The following FADS3 variants were observed in gnomAD, a reference collection of about 807,000 sequenced individuals.
The protein encoded by FADS3 is cytochrome b5-related protein.
In FADS3, 30 loss-of-function variants were observed where a neutral mutation model predicts 60.4. That is an observed-to-expected ratio of 0.50 (90% CI 0.37 to 0.67). The LOEUF is 0.67. Ranked by LOEUF, FADS3 falls within the 30% of genes least tolerant of loss-of-function variation. The pLI is 0.00. For synonymous variants in FADS3, 234 were observed against 249.3 expected (o/e 0.94, Z 0.58); for missense variants, 432 against 598.3 (o/e 0.72, Z 2.90).
In FADS3 at chr11:61,873,870, G is replaced by A. The variant is rs1009456535; in HGVS notation, c.1287-5C>T. 1.2e-6 allele frequency: 2 copies of A among 1,604,988 alleles called. No individual in the cohort carries two copies. The highest frequency in any genetic ancestry group is 1.1e-5 in the South Asian group (1 of 90,048). ...TCACCAGACTTCTTCAGGGACCTGG[G>A]AGGTGGGGGTGGCAGTGGGGGTGGG... On this transcript the variant is annotated splice_polypyrimidine_tract_variant and splice_region_variant and intron_variant, in intron 11 of 11. Transcript: ENST00000278829.
chr11:61,889,091 T>C (rs903104444), intron 1 of FADS3, among the ~76,000 whole-genome samples: 1 of 151,718 alleles, frequency 6.6e-6, no homozygotes, highest in Non-Finnish European at 1.5e-5. Context: ...GAGACAGGGT[T>C]TCTCCATGTT....
Position 61,877,713 on chromosome 11 carries a change from G to C in FADS3, c.809-126C>G. On this transcript the variant is annotated intron_variant, in intron 6 of 11. Transcript: ENST00000278829. This position sits in a 1 kb window ranked among gnomAD's most constrained non-coding sequence, Gnocchi z 4.7. ...ACGTTGGTGCTGGTCACATCCAGCTGAATGACCCCATATCACCCCCAATTC... is the reference window on the plus strand; with the variant it reads ...ACGTTGGTGCTGGTCACATCCAGCTCAATGACCCCATATCACCCCCAATTC... The C allele has an allele frequency of 3.6e-6, 3 of 838,892 alleles. No individual in the cohort carries two copies. Among genetic ancestry groups the C allele is most frequent in the Non-Finnish European group, 5.7e-6 (3 of 522,784 alleles). 52.0% of individuals were successfully genotyped at this position (838,892 alleles called of 1,614,324 possible).
chr11:61,891,851 A>G (rs1341065591), upstream of FADS3: 1 of 151,908 alleles, frequency 6.6e-6, no homozygotes, highest in Admixed American at 6.6e-5. Context: ...TGGGGACACA[A>G]CACGCACCTG....
intron 1 of FADS3, among the ~76,000 whole-genome samples, chr11:61,885,316 C>G (rs1271393386): frequency 1.3e-5 from 2 of 152,196 alleles, no homozygotes; most frequent in African/African-American, 2.4e-5. Flanking sequence ...CAGACAAGAC[C>G]ACACCCATCT....
At chr11:61,875,749 G>T in intron 11 of FADS3, 102 bp downstream of exon 11, 1 of 1,429,294 alleles carries the variant, frequency 7.0e-7, no homozygotes, top group South Asian at 1.3e-5. Flanking sequence ...TGGACAGAAA[G>T]GCTCAGGGAC....
chr11:61,878,487 G>A, intron 5 of FADS3, 25 bp downstream of exon 5: 1 of 1,610,092 alleles, frequency 6.2e-7, no homozygotes. Flanking sequence ...CCAGCCAGAG[G>A]TTGTCCACGT....
Position 61,876,342 on chromosome 11 carries a change from C to T in FADS3, c.1080+17G>A. ...CCCCCCACCCCACCCAGGATGGGCCCCACCCCTGCTGCCCACCTGAGAGCT... is the reference window on the plus strand; with the variant it reads ...CCCCCCACCCCACCCAGGATGGGCCTCACCCCTGCTGCCCACCTGAGAGCT... On this transcript the variant is annotated intron_variant, in intron 9 of 11. Coordinates refer to ENST00000278829, the MANE Select transcript of FADS3 (RefSeq NM_021727.5). This position sits in a 1 kb window ranked among gnomAD's most constrained non-coding sequence, Gnocchi z 5.7. The T allele has an allele frequency of 2.5e-6, 4 of 1,609,464 alleles. No homozygotes were observed. The highest frequency in any genetic ancestry group is 3.4e-6 in the Non-Finnish European group (4 of 1,177,512).
chr11:61,891,184 G>C lies in FADS3; in HGVS notation c.198C>G (p.Gly66=). The part of the protein sequence containing the change: ...PGGSRLIGHH[G]AEDATDAFRA... Reference sequence around the variant, plus strand: ...GCTTCCTTACCGTGGCGTCCTCAGCGCCGTGGTGGCCGATGAGGCGGCTGC... The same window carrying C: ...GCTTCCTTACCGTGGCGTCCTCAGCCCCGTGGTGGCCGATGAGGCGGCTGC... The change falls in exon 1 of 12, where the codon GGC becomes GGG. Residue 66 remains glycine, a synonymous_variant. Transcript: ENST00000278829. The C allele has an allele frequency of 6.4e-7, 1 of 1,561,938 alleles. No individual in the cohort carries two copies.
At chr11:61,884,300 G>A (rs1355597645) in intron 1 of FADS3, among the ~76,000 whole-genome samples, 1 of 152,130 alleles carries the variant, frequency 6.6e-6, no homozygotes, top group Non-Finnish European at 1.5e-5. Flanking sequence ...ACACACCGGG[G>A]CTTACTGGGC....
intron 3 of FADS3, 64 bp from the exon 4 acceptor site, chr11:61,878,911 C>A: frequency 7.1e-7 from 1 of 1,399,642 alleles, no homozygotes; most frequent in East Asian, 2.4e-5. Context: ...CCTGGGGCCC[C>A]AGTGAATCCT....
rs1256080210 is a variant in FADS3 at position 61,879,377 on chromosome 11, T to C, written c.457A>G (p.Ile153Val). 6.4e-7 allele frequency: 1 copy of C among 1,572,540 alleles called. No individual in the cohort carries two copies. The stretch of plus-strand genomic sequence containing the variant: ...ACCCAGCCAGGACCCAGGAGGTAGA[T>C]AAGGAGCCAGGCCAGCACCTCCATG... ...LAMEVLAWLL[I>V]YLLGPGWVPS... The change falls in exon 3 of 12, where the codon ATC (isoleucine) becomes GTC (valine). Residue 153 changes from isoleucine (I) to valine (V), a missense_variant. Around this residue, in one of 5 missense-constraint regions of FADS3, gnomAD observed 116 missense variants for 208.9 expected, o/e 0.56. Transcript: ENST00000278829.
intron 1 of FADS3, chr11:61,882,005 G>A (rs1013550508): frequency 1.3e-5 from 2 of 151,764 alleles, no homozygotes; most frequent in South Asian, 2.1e-4. Flanking sequence ...CCAGGAAGCT[G>A]TCTGGGCCCC....
chr11:61,876,452 G>C lies in FADS3; in HGVS notation c.987C>G (p.Val329=), dbSNP rs941062879. ...GVLLFFVAVR[V]LESHWFVWIT... is the part of the protein sequence containing the mutation. ...TCCACACGAACCAGTGGCTTTCCAGGACCCTGTGGGGAGGCTCGGGCACTG... is the reference window on the plus strand; with the variant it reads ...TCCACACGAACCAGTGGCTTTCCAGCACCCTGTGGGGAGGCTCGGGCACTG... The change falls in exon 9 of 12, where the codon GTC becomes GTG. Residue 329 remains valine (V), a synonymous_variant. Transcript: ENST00000278829. This position sits in a 1 kb window ranked among gnomAD's most constrained non-coding sequence, Gnocchi z 5.7. The C allele has an allele frequency of 3.7e-6, 6 of 1,613,256 alleles. No individual in the cohort carries two copies. Among genetic ancestry groups the C allele is most frequent in the Non-Finnish European group, 5.1e-6 (6 of 1,179,984 alleles).
In FADS3 at chr11:61,877,984, A is replaced by T; in HGVS notation, c.808+171T>A. 1 of 666,778 alleles carries T rather than the reference A, an allele frequency of 1.5e-6. No individual in the cohort carries two copies. Among genetic ancestry groups the T allele is most frequent in the Non-Finnish European group, 2.7e-6 (1 of 375,646 alleles). 41.3% of individuals were successfully genotyped at this position (666,778 alleles called of 1,614,324 possible). A position where few individuals can be genotyped will look rare whatever the true frequency, so the allele number is the denominator to read the frequency against. On this transcript the variant is annotated intron_variant, in intron 6 of 11. Transcript: ENST00000278829. This position sits in a 1 kb window ranked among gnomAD's most constrained non-coding sequence, Gnocchi z 4.7. ...CACGGGAGACAGCTGGGGCAAAGGC[A>T]TGCTGCTGGGAGAGTGTGTACAGAC...
Position 61,876,833 on chromosome 11 carries a change from G to C in FADS3, c.983+33C>G, listed in dbSNP as rs767768756. On this transcript the variant is annotated intron_variant, in intron 8 of 11. Coordinates refer to ENST00000278829, the MANE Select transcript of FADS3 (RefSeq NM_021727.5). The surrounding 1 kb of genome is among the most constrained non-coding windows in gnomAD (Gnocchi z 5.7). ...GGGGCTGCAGTGGGGGTCACCTGTC[G>C]CCTGTGTGTGACCTCGCCACTCCCT... is the stretch of plus-strand genomic sequence containing the variant. The C allele has an allele frequency of 3.3e-6, 5 of 1,534,246 alleles. No individual in the cohort carries two copies. The highest frequency in any genetic ancestry group is 3.6e-6 in the Non-Finnish European group (4 of 1,122,664).
rs761214589 is a variant in FADS3, at chr11:61,879,497, C to T, written c.337G>A (p.Glu113Lys). 6 of 1,578,698 alleles carry T rather than the reference C, an allele frequency of 3.8e-6. No homozygotes were observed. Among genetic ancestry groups the T allele is most frequent in the South Asian group, 1.2e-5 (1 of 86,538 alleles). Residue 113 changes from glutamate (E) to lysine (K), a missense_variant, in exon 3 of 12, where the codon GAG (glutamate) becomes AAG (lysine). Around this residue, in one of 5 missense-constraint regions of FADS3, gnomAD observed 167 missense variants for 188.8 expected, o/e 0.88. Transcript: ENST00000278829. The part of the protein sequence containing the change: ...QDGPLNAQLV[E>K]DFRALHQAAE... ...GCCTGGTGCAGGGCTCGGAAGTCCT[C>T]GACCAGCTGCGCCTGCCATAGCAGA...
chr11:61,889,384 G>C (rs185935465), intron 1 of FADS3, among the ~76,000 whole-genome samples: 1 of 150,494 alleles, frequency 6.6e-6, no homozygotes, highest in Admixed American at 6.6e-5. Flanking sequence ...GGGCGTGGTG[G>C]CTCACGCCTG....
chr11:61,879,971 G>A, intron 2 of FADS3, 70 bp downstream of exon 2: 1 of 1,299,774 alleles, frequency 7.7e-7, no homozygotes, highest in Non-Finnish European at 1.1e-6. Context: ...TGGCCATGTG[G>A]CAATGTCTCC....
intron 1 of FADS3, among the ~76,000 whole-genome samples, chr11:61,883,198 A>G (rs1229823772): frequency 6.6e-6 from 1 of 152,076 alleles, no homozygotes; most frequent in Non-Finnish European, 1.5e-5. Context: ...CCCATTAAAC[A>G]CTAATTCTCC....
Sources: gnomAD v4.1 joint callset for allele counts (sites outside exome capture counted in the v4.1 genomes callset) on GRCh38, gnomAD v4.1.1 for gene constraint, gnomAD v4.1.1 regional missense constraint, Gnocchi (gnomAD v3.1) non-coding constraint, MANE v1.5 for transcripts, NCBI Gene and HGNC (gene_info 2026-07-23, HGNC 2026-07-21) for gene names.